The following NLGN1 variants were observed in gnomAD, a reference collection of about 807,000 sequenced individuals.
The protein encoded by NLGN1 is neuroligin 1.
Under a neutral mutation model 65.5 loss-of-function variants are expected in NLGN1, and 12 were observed. The observed-to-expected ratio is 0.18, with a 90% CI of 0.12 to 0.30. The LOEUF is 0.30. Among genes scored for constraint, NLGN1 ranks in the 10% least tolerant of loss-of-function variants. NLGN1 has a pLI of 1.00. For missense variants in NLGN1, 750 were observed against 1,007.1 expected, an observed-to-expected ratio of 0.74 and a Z score of 3.46; for synonymous variants, 350 against 359.5, an observed-to-expected ratio of 0.97 and a Z score of 0.30.
intron 4 of NLGN1, among the ~76,000 whole-genome samples, chr3:173,856,398 A>G (rs1442060727): frequency 6.6e-6 from 1 of 152,138 alleles, no homozygotes; most frequent in South Asian, 2.1e-4. Context: ...CATAAACTGA[A>G]TGTTAAAAAT....
chr3:173,670,033 G>C (rs913569335), intron 3 of NLGN1, among the ~76,000 whole-genome samples: 1 of 152,156 alleles, frequency 6.6e-6, no homozygotes, highest in African/African-American at 2.4e-5. Context: ...TAGTTTTACT[G>C]TAGTGGTAAT....
At chr3:173,437,650 T>C (rs2148778298) in intron 2 of NLGN1, among the ~76,000 whole-genome samples, 1 of 152,284 alleles carries the variant, frequency 6.6e-6, no homozygotes, top group Admixed American at 6.5e-5. Flanking sequence ...TTGATTTTCT[T>C]TAAATCTTGC....
At chr3:173,657,033 T>C (rs557298684) in intron 3 of NLGN1, among the ~76,000 whole-genome samples, 2 of 152,136 alleles carry the variant, frequency 1.3e-5, no homozygotes, top group East Asian at 1.9e-4. Context: ...TTGTAAACCA[T>C]TATATAAAAA....
intron 2 of NLGN1, among the ~76,000 whole-genome samples, chr3:173,588,514 G>A (rs990112154): frequency 2.0e-5 from 3 of 152,162 alleles, no homozygotes; most frequent in Non-Finnish European, 2.9e-5. Context: ...CTGTCAACTC[G>A]AAGCTTAAGT....
At chr3:173,890,591 A>G (rs1015919368) in intron 4 of NLGN1, among the ~76,000 whole-genome samples, 1 of 152,210 alleles carries the variant, frequency 6.6e-6, no homozygotes. Flanking sequence ...ACAAGGAGAT[A>G]GCATTGAAAG....
chr3:174,187,395 T>C (rs2152755216), intron 4 of NLGN1, among the ~76,000 whole-genome samples: 1 of 152,136 alleles, frequency 6.6e-6, no homozygotes, highest in South Asian at 2.1e-4. Context: ...CCAAAACCCC[T>C]GGTGGAGGAT....
intron 2 of NLGN1, among the ~76,000 whole-genome samples, chr3:173,472,917 C>T (rs1327823964): frequency 5.3e-5 from 8 of 152,086 alleles, no homozygotes; most frequent in Non-Finnish European, 1.2e-4. Context: ...GTTGGCTTTA[C>T]GGATCTTGCA....
chr3:173,532,570 A>T (rs1736757285), intron 2 of NLGN1, among the ~76,000 whole-genome samples: 1 of 152,202 alleles, frequency 6.6e-6, no homozygotes, highest in Admixed American at 6.5e-5. Context: ...ATGATTAAGG[A>T]GATACTATAA....
chr3:174,273,429 A>G (rs1325403576), intron 4 of NLGN1, among the ~76,000 whole-genome samples: 1 of 151,692 alleles, frequency 6.6e-6, no homozygotes, highest in Non-Finnish European at 1.5e-5. Flanking sequence ...TTTGTAAGAG[A>G]ATCTTTCAGA....
chr3:174,168,824 G>A (rs1728012731), intron 4 of NLGN1, among the ~76,000 whole-genome samples: 2 of 152,118 alleles, frequency 1.3e-5, no homozygotes, highest in Non-Finnish European at 2.9e-5. Context: ...GAAGCCAGTG[G>A]GTGGCCTAAG....
At chr3:173,950,718 C>CAGG (rs139026849) in intron 4 of NLGN1, among the ~76,000 whole-genome samples, 12,121 of 150,612 alleles carry the variant, frequency 0.08, 1,111 homozygotes, top group African/African-American at 0.23. Flanking sequence ...GAGGCTGAAG[C>CAGG]AGAATTGCTC....
chr3:173,915,015 T>A (rs1358268999), intron 4 of NLGN1: 1 of 152,230 alleles, frequency 6.6e-6, no homozygotes, highest in Non-Finnish European at 1.5e-5. Flanking sequence ...GCATTAATTA[T>A]GACAATGTTT....
At chr3:173,693,102 AG>A (rs761789968) in intron 3 of NLGN1, among the ~76,000 whole-genome samples, 2 of 152,148 alleles carry the variant, frequency 1.3e-5, no homozygotes, top group Non-Finnish European at 2.9e-5. Context: ...AAGTTGGTTA[AG>A]GAATCTTTGT....
intron 4 of NLGN1, among the ~76,000 whole-genome samples, chr3:173,851,636 G>A (rs761513590): frequency 3.9e-5 from 6 of 151,974 alleles, no homozygotes; most frequent in Non-Finnish European, 7.4e-5. Context: ...ACCAGACCCC[G>A]GTTTCTTTTG....
intron 4 of NLGN1, among the ~76,000 whole-genome samples, chr3:173,903,617 T>C (rs1344967281): frequency 1.3e-5 from 2 of 152,134 alleles, no homozygotes; most frequent in Non-Finnish European, 2.9e-5. Context: ...GAATAATCTA[T>C]TGGTGAGGCC....
At chr3:173,945,032 C>A (rs1216107047) in intron 4 of NLGN1, among the ~76,000 whole-genome samples, 1 of 151,984 alleles carries the variant, frequency 6.6e-6, no homozygotes, top group African/African-American at 2.4e-5. Context: ...GCCCCCTTTA[C>A]CTGGACTTAA....
intron 3 of NLGN1, among the ~76,000 whole-genome samples, chr3:173,634,661 ATTATT>A (rs924110954): frequency 6.6e-6 from 1 of 152,134 alleles, no homozygotes; most frequent in East Asian, 1.9e-4. Flanking sequence ...AATGCATAGT[ATTATT>A]TTATTTATTG....
At chr3:174,125,991 A>G (rs1407746026) in intron 4 of NLGN1, among the ~76,000 whole-genome samples, 1 of 152,156 alleles carries the variant, frequency 6.6e-6, no homozygotes, top group African/African-American at 2.4e-5. Context: ...TTAGTCTCAC[A>G]GTGCAATAAG....
intron 3 of NLGN1, among the ~76,000 whole-genome samples, chr3:173,795,743 C>G (rs575799154): frequency 6.6e-6 from 1 of 152,012 alleles, no homozygotes; most frequent in African/African-American, 2.4e-5. Flanking sequence ...TTTTTCATAT[C>G]CTTGATTCAA....
Sources: gnomAD v4.1 joint callset for allele counts (sites outside exome capture counted in the v4.1 genomes callset) on GRCh38, gnomAD v4.1.1 for gene constraint, MANE v1.5 for transcripts, NCBI Gene and HGNC (gene_info 2026-07-23, HGNC 2026-07-21) for gene names.